CCNY: variants seen among roughly 807,000 people sequenced by gnomAD.
CCNY encodes cyclin Y.
CCNY carries 19 observed loss-of-function variants against 42.8 expected under a neutral mutation model. That is an observed-to-expected ratio of 0.44 (90% CI 0.31 to 0.65). CCNY has a LOEUF of 0.65. CCNY is among the 30% of genes least tolerant of loss of function. The pLI is 0.07. For synonymous variants in CCNY, 165 were observed against 162.7 expected, an observed-to-expected ratio of 1.01 and a Z score of -0.11; for missense variants, 370 against 437.3, an observed-to-expected ratio of 0.85 and a Z score of 1.37.
intron 1 of CCNY, among the ~76,000 whole-genome samples, chr10:35,427,929 TAGTC>T (rs1830947094): frequency 6.6e-6 from 1 of 152,112 alleles, no homozygotes; most frequent in Non-Finnish European, 1.5e-5. Flanking sequence ...GGGTGCCACT[TAGTC>T]AGGACATCCA....
intron 1 of CCNY, among the ~76,000 whole-genome samples, chr10:35,468,900 C>G (rs1839326571): frequency 6.6e-6 from 1 of 152,194 alleles, no homozygotes. Flanking sequence ...GCCTCCTTTT[C>G]ATTTGGGTTC....
intron 3 of CCNY, among the ~76,000 whole-genome samples, chr10:35,276,667 C>T (rs913597163): frequency 5.3e-5 from 8 of 152,240 alleles, no homozygotes; most frequent in African/African-American, 1.7e-4. Flanking sequence ...ATTACAGGCA[C>T]GAGCCACTGT....
intron 3 of CCNY, among the ~76,000 whole-genome samples, chr10:35,315,656 A>G (rs1564366746): frequency 6.6e-6 from 1 of 152,198 alleles, no homozygotes; most frequent in East Asian, 1.9e-4. Flanking sequence ...GTCAAATGAT[A>G]GTTCTAAGTT....
intron 1 of CCNY, among the ~76,000 whole-genome samples, chr10:35,376,286 G>A (rs560787987): frequency 5.9e-5 from 9 of 152,300 alleles, no homozygotes; most frequent in East Asian, 5.8e-4. Flanking sequence ...TGAAGTTACC[G>A]TATGACGCAG....
chr10:35,427,286 T>C (rs1838292370), intron 1 of CCNY, among the ~76,000 whole-genome samples: 1 of 152,234 alleles, frequency 6.6e-6, no homozygotes, highest in African/African-American at 2.4e-5. Flanking sequence ...TTAGAGATAA[T>C]GCCACCTGGC....
chr10:35,552,096 A>G (rs1411097172), intron 7 of CCNY, among the ~76,000 whole-genome samples: 1 of 151,642 alleles, frequency 6.6e-6, no homozygotes, highest in Non-Finnish European at 1.5e-5. Flanking sequence ...ATTGTTCACA[A>G]TAGCCACACA....
chr10:35,483,397 T>C lies in CCNY; in HGVS notation c.155-7T>C. On this transcript the variant is annotated splice_polypyrimidine_tract_variant and splice_region_variant and intron_variant, in intron 1 of 9. Coordinates refer to ENST00000374704, the MANE Select transcript of CCNY (RefSeq NM_145012.6). ...TATTCATATAATTTATTTTCCTTTC[T>C]TTAAAGATTTGAACATGGAATTCAA... 1 of 1,582,138 alleles carries C rather than the reference T, an allele frequency of 6.3e-7. No homozygotes were observed.
intron 3 of CCNY, among the ~76,000 whole-genome samples, chr10:35,261,183 C>G (rs1190673342): frequency 6.7e-6 from 1 of 149,844 alleles, no homozygotes; most frequent in Non-Finnish European, 1.5e-5. Flanking sequence ...TTGAGGTCAG[C>G]AGTTTGAGAC....
intron 1 of CCNY, among the ~76,000 whole-genome samples, chr10:35,357,796 C>T (rs377755716): frequency 1.4e-4 from 21 of 152,262 alleles, no homozygotes; most frequent in East Asian, 7.7e-4. Context: ...TATCCATTGA[C>T]GGTTTTTTAG....
chr10:35,331,267 A>G (rs1048431934), intron 3 of CCNY, among the ~76,000 whole-genome samples: 2 of 152,342 alleles, frequency 1.3e-5, no homozygotes, highest in South Asian at 2.1e-4. Context: ...ACCCTGCTAG[A>G]TGCTACACTT....
At chr10:35,385,245 T>C (rs943220470) in intron 1 of CCNY, among the ~76,000 whole-genome samples, 46 of 152,214 alleles carry the variant, frequency 3.0e-4, no homozygotes, top group Admixed American at 2.6e-3. Flanking sequence ...TATCATACTC[T>C]TATTGTTTAT....
Position 35,530,602 on chromosome 10 carries a change from A to C in CCNY, c.579+359A>C, listed in dbSNP as rs1840745396. On this transcript the variant is annotated intron_variant, in intron 7 of 9. Transcript: ENST00000374704. This position sits in a 1 kb window ranked among gnomAD's most constrained non-coding sequence, Gnocchi z 4.3. ...TTCCTGGTGTTGATTCCCTACAAAG[A>C]TTGTAATAGTATTAGTAAGATATGA... is the stretch of plus-strand genomic sequence containing the variant. 6.6e-6 allele frequency among the ~76,000 whole-genome samples: 1 copy of C among 152,168 alleles called. No homozygotes were observed. Among genetic ancestry groups the C allele is most frequent in the African/African-American group, 2.4e-5 (1 of 41,440 alleles).
chr10:35,405,707 G>T (rs1043520081), intron 1 of CCNY, among the ~76,000 whole-genome samples: 4 of 152,194 alleles, frequency 2.6e-5, no homozygotes, highest in African/African-American at 9.7e-5. Context: ...ACCCTCCACT[G>T]TAAGAGTTAC....
intron 1 of CCNY, among the ~76,000 whole-genome samples, chr10:35,444,511 G>T (rs1838748726): frequency 6.6e-6 from 1 of 152,210 alleles, no homozygotes; most frequent in Non-Finnish European, 1.5e-5. Context: ...GCTTCCCAAA[G>T]TTCTGGGATT....
At chr10:35,482,749 GGTGTGTGT>G (rs56033862) in intron 1 of CCNY, among the ~76,000 whole-genome samples, 13,952 of 128,802 alleles carry the variant, frequency 0.11, 883 homozygotes, top group African/African-American at 0.19. Context: ...GCTGGAAATA[GGTGTGTGT>G]GTGTGTGTGT....
chr10:35,402,140 A>G (rs887392373), intron 1 of CCNY, among the ~76,000 whole-genome samples: 1 of 152,112 alleles, frequency 6.6e-6, no homozygotes, highest in Non-Finnish European at 1.5e-5. Flanking sequence ...TTCAAGTGGG[A>G]TTAGGGACAG....
intron 1 of CCNY, among the ~76,000 whole-genome samples, chr10:35,481,682 C>CT (rs1839672480): frequency 6.6e-6 from 1 of 152,132 alleles, no homozygotes; most frequent in Non-Finnish European, 1.5e-5. Context: ...TTCTAGGGGA[C>CT]TATGTGTTAA....
chr10:35,405,080 G>A (rs1238440136), intron 1 of CCNY, among the ~76,000 whole-genome samples: 1 of 152,180 alleles, frequency 6.6e-6, no homozygotes, highest in Non-Finnish European at 1.5e-5. Context: ...GGGTGGATAG[G>A]CAAGACAATT....
intron 1 of CCNY, among the ~76,000 whole-genome samples, chr10:35,407,921 C>T (rs577159868): frequency 3.9e-5 from 6 of 152,128 alleles, no homozygotes; most frequent in African/African-American, 1.2e-4. Flanking sequence ...ATCAGAGAGG[C>T]GTCCTCGCAA....
Sources: allele counts gnomAD v4.1 joint callset (sites outside exome capture counted in the v4.1 genomes callset), GRCh38; gene constraint gnomAD v4.1.1; non-coding constraint Gnocchi (gnomAD v3.1); transcripts MANE v1.5; gene names NCBI Gene and HGNC (gene_info 2026-07-23, HGNC 2026-07-21).